The following CABP5 variants were observed in gnomAD, a reference collection of about 807,000 sequenced individuals.
The protein encoded by CABP5 is calcium-binding protein 5.
Under a neutral mutation model 21.9 loss-of-function variants are expected in CABP5, and 17 were observed. The observed-to-expected ratio is 0.78, with a 90% confidence interval of 0.53 to 1.17. The LOEUF (loss-of-function observed/expected upper bound fraction) is 1.17, where lower values mean the gene tolerates loss of function less well. Ranked by LOEUF, CABP5 falls within the 50% of genes most tolerant of loss-of-function variation. The probability of loss-of-function intolerance (pLI) is 0.00; values close to 1 mark genes in which losing one functional copy is unlikely to be tolerated. For missense variants in CABP5, 229 were observed against 228.9 expected (o/e 1.00, Z 0.00); for synonymous variants, 85 against 79.4 (o/e 1.07, Z -0.37).
Position 48,030,553 on chromosome 19 carries a change from C to T in CABP5, c.*4G>A. The T allele has an allele frequency of 1.2e-6, 2 of 1,613,014 alleles. No individual in the cohort carries two copies. The highest frequency in any genetic ancestry group is 2.2e-5 in the East Asian group (1 of 44,826). ...GGAGAGGGTCTGGAGCTTCCAGGAC[C>T]TCCTCAGCGAGACATCATCTTCACA... On this transcript the variant is annotated 3_prime_UTR_variant, in exon 6 of 6. Transcript: ENST00000293255.
At position 48,030,518 on chromosome 19, in the gene CABP5, T is replaced by C. The variant is rs1568411575; in HGVS notation, c.*39A>G. The C allele has an allele frequency of 1.2e-6, 2 of 1,600,648 alleles. No homozygotes were observed. Among genetic ancestry groups the C allele is most frequent in the Admixed American group, 1.8e-5 (1 of 56,556 alleles). ...GTTCTCCACAAGCGCTTGCTCCATG[T>C]TGACCAGGTGGAGAGGGTCTGGAGC... is the stretch of plus-strand genomic sequence containing the variant. On this transcript the variant is annotated 3_prime_UTR_variant, in exon 6 of 6. Coordinates refer to ENST00000293255, the MANE Select transcript of CABP5 (RefSeq NM_019855.5).
At chr19:48,039,759 G>A (rs911179103) in intron 3 of CABP5, among the ~76,000 whole-genome samples, 1 of 117,860 alleles carries the variant, frequency 8.5e-6, no homozygotes, top group Non-Finnish European at 1.6e-5. Flanking sequence ...TGTTGCCAAG[G>A]CTGGAGTGCA....
intron 4 of CABP5, among the ~76,000 whole-genome samples, chr19:48,036,620 C>A (rs1157453425): frequency 2.6e-5 from 4 of 152,196 alleles, no homozygotes; most frequent in Non-Finnish European, 4.4e-5. Context: ...ATTAATAATA[C>A]TGCATAATGA....
At chr19:48,036,015 C>G (rs868703585) in intron 4 of CABP5, among the ~76,000 whole-genome samples, 1 of 152,094 alleles carries the variant, frequency 6.6e-6, no homozygotes, top group Non-Finnish European at 1.5e-5. Context: ...ATTAGAGGGC[C>G]GCCATGATCA....
At chr19:48,030,671 C>T (rs1967329687) in intron 5 of CABP5, 89 bp from the exon 6 acceptor site, 1 of 1,249,740 alleles carries the variant, frequency 8.0e-7, no homozygotes, top group Non-Finnish European at 1.2e-6. Context: ...GTGGCAGGCA[C>T]TGCTGGTGAT....
At chr19:48,040,795 G>A (rs1967471349) in intron 2 of CABP5, 47 bp from the exon 3 acceptor site, 1 of 1,599,282 alleles carries the variant, frequency 6.3e-7, no homozygotes, top group Non-Finnish European at 8.6e-7. Context: ...CAGTCAGTGG[G>A]GAAGAGTGGC....
At chr19:48,032,633 T>C (rs1452863314) in intron 5 of CABP5, among the ~76,000 whole-genome samples, 1 of 132,534 alleles carries the variant, frequency 7.5e-6, no homozygotes, top group East Asian at 2.0e-4. Flanking sequence ...TGGCCTTTTT[T>C]TCTTTTTTTC....
chr19:48,035,695 G>A (rs1568412974), intron 4 of CABP5, among the ~76,000 whole-genome samples: 3 of 152,276 alleles, frequency 2.0e-5, no homozygotes, highest in East Asian at 1.9e-4. Flanking sequence ...GTTAACAAGT[G>A]CCGTAAGGCA....
chr19:48,036,339 G>A (rs746578979), intron 4 of CABP5, among the ~76,000 whole-genome samples: 9 of 152,176 alleles, frequency 5.9e-5, no homozygotes, highest in Non-Finnish European at 1.2e-4. Flanking sequence ...TGTCCTCCAG[G>A]TTCATTTGTG....
chr19:48,040,339 G>C (rs10405324), intron 3 of CABP5, among the ~76,000 whole-genome samples: 136,320 of 152,260 alleles, frequency 0.9, 61,230 homozygotes, highest in South Asian at 0.95. Context: ...AATGGAAACT[G>C]AAGAGTAGCG....
chr19:48,040,929 C>A (rs1333137716), intron 2 of CABP5, among the ~76,000 whole-genome samples, 181 bp from the exon 3 acceptor site: 4 of 152,124 alleles, frequency 2.6e-5, no homozygotes, highest in Non-Finnish European at 5.9e-5. Flanking sequence ...GTAATCCCAG[C>A]ACTTTGGGAG....
intron 1 of CABP5, among the ~76,000 whole-genome samples, chr19:48,042,572 C>A (rs1263581980): frequency 8.4e-6 from 1 of 119,172 alleles, no homozygotes; most frequent in Non-Finnish European, 1.9e-5. Flanking sequence ...TTTTTTCATT[C>A]TCTCTCTCTT....
intron 5 of CABP5, among the ~76,000 whole-genome samples, chr19:48,033,783 AG>A (rs2122363543): frequency 6.6e-6 from 1 of 152,292 alleles, no homozygotes; most frequent in East Asian, 1.9e-4. Flanking sequence ...AAAGAGAAAA[AG>A]GGAGTAGCAT....
At chr19:48,042,926 C>T (rs1967501338) in intron 1 of CABP5, among the ~76,000 whole-genome samples, 1 of 152,108 alleles carries the variant, frequency 6.6e-6, no homozygotes, top group African/African-American at 2.4e-5. Context: ...AGTATGCCCA[C>T]ATATCTGGAC....
chr19:48,040,206 C>T (rs1721336027), intron 3 of CABP5, among the ~76,000 whole-genome samples: 1 of 152,126 alleles, frequency 6.6e-6, no homozygotes, highest in African/African-American at 2.4e-5. Flanking sequence ...GTAATAACTA[C>T]CTTTAATAAG....
rs1321115053 is a variant in CABP5 at position 48,043,884 on chromosome 19, C to G, written c.39G>C (p.Arg13Ser). The G allele has an allele frequency of 1.3e-6, 2 of 1,496,848 alleles. No individual in the cohort carries two copies. Among genetic ancestry groups the G allele is most frequent in the Admixed American group, 2.7e-5 (1 of 36,858 alleles). The allele number at this position is 1,496,848 out of a possible 1,614,324, so 92.7% of individuals were successfully genotyped here. The change falls in exon 1 of 6, where the codon AGG becomes AGC. Residue 13 changes from arginine to serine, a missense_variant. Arg to Ser is a moderately radical substitution (Grantham distance 110, BLOSUM62 -1). Transcript: ENST00000293255. ...CCCGCTGTTTCTCAGCAATGCCTTT[C>G]CTCAAGAAGATGCAGGCGGGGCCCA... ...FPMGPACIFL[R>S]KGIAEKQRER... is the part of the protein sequence containing the mutation.
intron 4 of CABP5, among the ~76,000 whole-genome samples, chr19:48,036,510 T>C (rs993433610): frequency 3.9e-5 from 6 of 152,024 alleles, no homozygotes; most frequent in Non-Finnish European, 7.4e-5. Context: ...TTGCTGGGGG[T>C]TAGGAGGACA....
chr19:48,035,812 G>A (rs1201910523), intron 4 of CABP5, among the ~76,000 whole-genome samples: 1 of 152,210 alleles, frequency 6.6e-6, no homozygotes, highest in Non-Finnish European at 1.5e-5. Flanking sequence ...CAGAAGGCAG[G>A]GCCCAAGTAC....
rs149030461 is a variant in CABP5 at position 48,037,522 on chromosome 19, C to T, written c.348+1686G>A. Among the ~76,000 whole-genome samples, 424 of 152,036 alleles carry T rather than the reference C, an allele frequency of 2.8e-3. 1 individual carries two copies. The highest frequency in any genetic ancestry group is 9.2e-3 in the African/African-American group (381 of 41,482). ...ACCTCAGGTGATCCACCCACCTCAG[C>T]CTCCCAAAGTGCTGGGATTACAGGC... On this transcript the variant is annotated intron_variant, in intron 4 of 5. Coordinates refer to ENST00000293255, the MANE Select transcript of CABP5 (RefSeq NM_019855.5).
Sources: allele counts gnomAD v4.1 joint callset (sites outside exome capture counted in the v4.1 genomes callset), GRCh38; gene constraint gnomAD v4.1.1; transcripts MANE v1.5; gene names NCBI Gene and HGNC (gene_info 2026-07-23, HGNC 2026-07-21).